FRMD8: variants seen among roughly 807,000 people sequenced by gnomAD.
The protein encoded by FRMD8 is FERM domain containing 8.
In FRMD8, 37 loss-of-function variants were observed where a neutral mutation model predicts 54.2. The observed-to-expected ratio is 0.68, with a 90% CI of 0.53 to 0.90. The LOEUF (loss-of-function observed/expected upper bound fraction) is 0.90, where lower values mean the gene tolerates loss of function less well. Ranked by LOEUF, FRMD8 falls within the 40% of genes least tolerant of loss-of-function variation. The pLI, the probability that FRMD8 is intolerant of heterozygous loss-of-function variation, is 0.00. For missense variants in FRMD8, 585 were observed against 653.7 expected, an observed-to-expected ratio of 0.89 and a Z score of 1.15; for synonymous variants, 246 against 286.9, an observed-to-expected ratio of 0.86 and a Z score of 1.44.
rs756507061 is a variant in FRMD8 at position 65,386,669 on chromosome 11, AG to A, written c.-92del. 8 of 263,144 alleles carry A rather than the reference AG, an allele frequency of 3.0e-5. No homozygotes were observed. The highest frequency in any genetic ancestry group is 5.5e-5 in the Admixed American group (1 of 18,236). The allele number at this position is 263,144 out of a possible 1,614,324, so 16.3% of individuals were successfully genotyped here. A position where few individuals can be genotyped will look rare whatever the true frequency, so the allele number is the denominator to read the frequency against. ...CCCGGTCAGCTGCGTCCTTAGCGGG[AG>A]CCCGAGTGCGGGCGGTGGCGGGCTT... is the stretch of plus-strand genomic sequence containing the variant. On this transcript the variant is annotated 5_prime_UTR_variant, in exon 1 of 11. Coordinates refer to ENST00000317568, the MANE Select transcript of FRMD8 (RefSeq NM_031904.5).
Position 65,394,405 on chromosome 11 carries a change from G to A in FRMD8, c.561G>A (p.Arg187=). The part of the protein sequence containing the change: ...RVQLGPYQPG[R]PAACDLREKL... ...AGCTTGGGCCCTACCAGCCCGGCCG[G>A]CCGGCAGCCTGCGACCTGAGGTGAG... The change falls in exon 6 of 11, where the codon CGG becomes CGA. Residue 187 remains arginine (R), a synonymous_variant. Transcript: ENST00000317568. 6.4e-7 allele frequency: 1 copy of A among 1,569,254 alleles called. No individual in the cohort carries two copies. The highest frequency in any genetic ancestry group is 8.6e-7 in the Non-Finnish European group (1 of 1,159,712).
At chr11:65,409,581 G>A (rs1203102727) in intron 10 of FRMD8, among the ~76,000 whole-genome samples, 1 of 151,974 alleles carries the variant, frequency 6.6e-6, no homozygotes. Flanking sequence ...AGACCAGCCT[G>A]CGCAACATAG....
intron 2 of FRMD8, among the ~76,000 whole-genome samples, chr11:65,388,715 C>T (rs763023228): frequency 2.6e-5 from 4 of 152,170 alleles, no homozygotes; most frequent in African/African-American, 2.4e-5. Flanking sequence ...TAGCCTGCTT[C>T]GTATTGACTC....
At chr11:65,382,023 G>T, upstream of FRMD8, 1 of 1,312,736 alleles carries the variant, frequency 7.6e-7, no homozygotes, top group Non-Finnish European at 1.1e-6. This position sits in a 1 kb window ranked among gnomAD's most constrained non-coding sequence, Gnocchi z 4.4. Flanking sequence ...CCCTCCCCTG[G>T]CCCACGCTGA....
At chr11:65,407,441 G>A (rs1192601680) in intron 10 of FRMD8, among the ~76,000 whole-genome samples, 4 of 151,694 alleles carry the variant, frequency 2.6e-5, no homozygotes, top group Admixed American at 6.6e-5. Context: ...TAGTAGAGAC[G>A]GGGTTTCGCC....
the FRMD8 span, chr11:65,379,125 G>A: frequency 1.3e-3 from 634 of 502,230 alleles, 15 homozygotes; most frequent in South Asian, 0.015. Context: ...CAGCTGGAGC[G>A]AGTGGCCCAG....
the FRMD8 span, among the ~76,000 whole-genome samples, chr11:65,372,373 C>T: frequency 0.97 from 147,811 of 152,134 alleles, 71,926 homozygotes; most frequent in East Asian, 1. Context: ...TCCAGGACTG[C>T]TCTCCCAGCC....
At chr11:65,385,415 G>C (rs1356473880), upstream of FRMD8, among the ~76,000 whole-genome samples, 3 of 152,194 alleles carry the variant, frequency 2.0e-5, no homozygotes. Context: ...GCTGGACTGG[G>C]TCAGGAGCTA....
chr11:65,392,904 C>T (rs1361800751), intron 3 of FRMD8, among the ~76,000 whole-genome samples: 1 of 152,050 alleles, frequency 6.6e-6, no homozygotes, highest in South Asian at 2.1e-4. Context: ...GCAAAGGAGT[C>T]CAGGAAAAGA....
Position 65,389,288 on chromosome 11 carries a change from A to C in FRMD8, c.86-73A>C. 4 of 1,479,758 alleles carry C rather than the reference A, an allele frequency of 2.7e-6. No individual in the cohort carries two copies. The Admixed American group carries it at 5.1e-5, about 19-fold the overall frequency. 91.7% of individuals were successfully genotyped at this position (1,479,758 alleles called of 1,614,324 possible). ...GGGCTCCAGCCCCAGTGGGTGGTAG[A>C]GGGTGCCTGGTTGGCCTGGCCTGGC... On this transcript the variant is annotated intron_variant, in intron 2 of 10. Coordinates refer to ENST00000317568, the MANE Select transcript of FRMD8 (RefSeq NM_031904.5).
At chr11:65,377,421 T>A in the FRMD8 span, 1 of 1,125,826 alleles carries the variant, frequency 8.9e-7, no homozygotes, top group Non-Finnish European at 1.1e-6. Context: ...GCAGTGAGCA[T>A]ACCTGTACGG....
chr11:65,382,078 G>T, upstream of FRMD8: 2 of 874,326 alleles, frequency 2.3e-6, no homozygotes, highest in Non-Finnish European at 3.8e-6. The surrounding 1 kb of genome is among the most constrained non-coding windows in gnomAD (Gnocchi z 4.4). Flanking sequence ...GTGAGAATTG[G>T]CCTGGTGCCC....
intron 9 of FRMD8, among the ~76,000 whole-genome samples, chr11:65,402,228 G>A (rs1345992849): frequency 2.0e-5 from 3 of 151,914 alleles, no homozygotes; most frequent in Non-Finnish European, 2.9e-5. Context: ...GCACACGCCC[G>A]TAATCCCAGC....
the FRMD8 span, chr11:65,377,022 C>T: frequency 1.2e-6 from 2 of 1,614,016 alleles, no homozygotes; most frequent in Non-Finnish European, 1.7e-6. Context: ...GCCCTTGGCT[C>T]TGTCTGGTTT....
intron 10 of FRMD8, among the ~76,000 whole-genome samples, chr11:65,408,059 T>G (rs116173383): frequency 2.0e-5 from 3 of 151,646 alleles, no homozygotes; most frequent in African/African-American, 7.3e-5. Flanking sequence ...TTGTAATTTT[T>G]AGAATAATTG....
chr11:65,380,709 C>G, the FRMD8 span: 90 of 805,954 alleles, frequency 1.1e-4, 2 homozygotes, highest in South Asian at 1.3e-3. Context: ...TAGCCCTGCC[C>G]TCCACAGCAG....
At chr11:65,386,920 C>A (rs1855743556) in intron 1 of FRMD8, 117 bp from the exon 2 acceptor site, 2 of 884,520 alleles carry the variant, frequency 2.3e-6, no homozygotes, top group Non-Finnish European at 3.5e-6. Flanking sequence ...CAGGCAGCGC[C>A]GCTCAACCTT....
chr11:65,397,945 G>A (rs904491867), intron 7 of FRMD8, among the ~76,000 whole-genome samples: 13 of 150,188 alleles, frequency 8.7e-5, no homozygotes, highest in Non-Finnish European at 1.9e-4. Context: ...CCATGATCTC[G>A]GCTCACTGCA....
In FRMD8 at chr11:65,409,528, T is replaced by C. The variant is rs537558702; in HGVS notation, c.1277-1714T>C. ...GTGAGATGGCTGTAATCCCAACACT[T>C]TGGGAGGCCGAGGCAGGCAGATTGC... On this transcript the variant is annotated intron_variant, in intron 10 of 10. Coordinates refer to ENST00000317568, the MANE Select transcript of FRMD8 (RefSeq NM_031904.5). Among the ~76,000 whole-genome samples the C allele has an allele frequency of 7.2e-5, 11 of 152,242 alleles. No homozygotes were observed. In the South Asian group the frequency reaches 2.3e-3, roughly 32 times the overall value.
Sources: gnomAD v4.1 joint callset for allele counts (sites outside exome capture counted in the v4.1 genomes callset) on GRCh38, gnomAD v4.1.1 for gene constraint, Gnocchi (gnomAD v3.1) non-coding constraint, MANE v1.5 for transcripts, NCBI Gene and HGNC (gene_info 2026-07-23, HGNC 2026-07-21) for gene names.